The following TBC1D32 variants were observed in gnomAD, a reference collection of about 807,000 sequenced individuals.
The protein encoded by TBC1D32 is protein broad-minded.
A neutral mutation model predicts 170.3 loss-of-function variants in TBC1D32; 151 were observed. That is an observed-to-expected ratio of 0.89 (90% CI 0.78 to 1.01). The LOEUF (loss-of-function observed/expected upper bound fraction) is 1.01. Ranked by LOEUF, TBC1D32 falls within the 50% of genes least tolerant of loss-of-function variation. TBC1D32 has a pLI of 0.00. For synonymous variants in TBC1D32, 498 were observed against 488.0 expected, an observed-to-expected ratio of 1.02 and a Z score of -0.27; for missense variants, 1,464 against 1,457.1, an observed-to-expected ratio of 1.00 and a Z score of -0.08.
intron 17 of TBC1D32, among the ~76,000 whole-genome samples, chr6:121,246,056 C>T (rs969948739): frequency 6.6e-5 from 10 of 152,156 alleles, no homozygotes; most frequent in African/African-American, 2.4e-4. Flanking sequence ...GGTGCATACC[C>T]AGGGGTGCCT....
intron 17 of TBC1D32, among the ~76,000 whole-genome samples, chr6:121,252,868 T>C (rs949151992): frequency 2.0e-5 from 3 of 152,084 alleles, no homozygotes; most frequent in Non-Finnish European, 4.4e-5. Context: ...GAAAGGACAT[T>C]ATTTAATAAA....
chr6:121,225,821 G>T (rs1247617441), intron 20 of TBC1D32, among the ~76,000 whole-genome samples: 2 of 152,018 alleles, frequency 1.3e-5, no homozygotes, highest in Non-Finnish European at 2.9e-5. Flanking sequence ...AAATTGTGAT[G>T]TATTATGCAT....
At chr6:121,334,659 C>CT, upstream of TBC1D32, 1 of 577,644 alleles carries the variant, frequency 1.7e-6, no homozygotes, top group Non-Finnish European at 3.1e-6. Context: ...CTCTGGTACT[C>CT]TTAGTTGCTA....
At chr6:121,298,332 G>A (rs540029010) in intron 10 of TBC1D32, among the ~76,000 whole-genome samples, 21 of 151,948 alleles carry the variant, frequency 1.4e-4, no homozygotes, top group African/African-American at 5.1e-4. Flanking sequence ...AAAAGTCAAG[G>A]TATAGTTAAC....
intron 22 of TBC1D32, among the ~76,000 whole-genome samples, chr6:121,189,092 T>C (rs1789586328): frequency 6.6e-6 from 1 of 152,206 alleles, no homozygotes; most frequent in Non-Finnish European, 1.5e-5. Flanking sequence ...GGTAAATAAG[T>C]TATTTTGTTT....
At chr6:121,131,034 T>A (rs558632500) in intron 25 of TBC1D32, among the ~76,000 whole-genome samples, 1 of 152,202 alleles carries the variant, frequency 6.6e-6, no homozygotes, top group Non-Finnish European at 1.5e-5. Context: ...CAATACCTTT[T>A]AAATTACGGT....
chr6:121,174,951 G>A (rs1410028608), intron 22 of TBC1D32, among the ~76,000 whole-genome samples: 1 of 150,644 alleles, frequency 6.6e-6, no homozygotes, highest in African/African-American at 2.4e-5. Flanking sequence ...AGAATCACCT[G>A]AGCCCAGGGG....
At chr6:121,255,307 A>G in intron 17 of TBC1D32, 21 bp downstream of exon 17, 1 of 1,418,782 alleles carries the variant, frequency 7.0e-7, no homozygotes, top group Non-Finnish European at 9.7e-7. Flanking sequence ...TAAATGCATG[A>G]CTTTCATCAA....
At chr6:121,147,299 T>G (rs892339804) in intron 24 of TBC1D32, among the ~76,000 whole-genome samples, 25 of 152,218 alleles carry the variant, frequency 1.6e-4, no homozygotes, top group African/African-American at 6.0e-4. Context: ...TGTGTGTTTT[T>G]GATAGAATGA....
At chr6:121,289,802 TA>T (rs150299480) in intron 12 of TBC1D32, among the ~76,000 whole-genome samples, 100,111 of 151,630 alleles carry the variant, frequency 0.66, 38,041 homozygotes, top group Non-Finnish European at 0.85. Flanking sequence ...AAAACAGAGA[TA>T]TAGACCAATG....
intron 26 of TBC1D32, among the ~76,000 whole-genome samples, chr6:121,119,574 T>A (rs185002546): frequency 6.8e-4 from 103 of 152,168 alleles, no homozygotes; most frequent in Non-Finnish European, 1.2e-3. Context: ...AAAGGGCCAT[T>A]TAATTTATCA....
At chr6:121,291,124 A>C (rs933515318) in intron 12 of TBC1D32, among the ~76,000 whole-genome samples, 1 of 152,018 alleles carries the variant, frequency 6.6e-6, no homozygotes, top group African/African-American at 2.4e-5. Context: ...CGTTGTGCAC[A>C]TGTACCCTAA....
At chr6:121,215,144 TCA>T in intron 21 of TBC1D32, among the ~76,000 whole-genome samples, 1 of 152,304 alleles carries the variant, frequency 6.6e-6, no homozygotes. Flanking sequence ...TTTATGGGCT[TCA>T]GAGGGAACAA....
At chr6:121,232,870 C>T (rs1278741848) in intron 20 of TBC1D32, among the ~76,000 whole-genome samples, 2 of 152,040 alleles carry the variant, frequency 1.3e-5, no homozygotes, top group East Asian at 1.9e-4. Context: ...TATAAACTTT[C>T]CTCTTAGCCC....
chr6:121,197,664 T>C, intron 22 of TBC1D32, among the ~76,000 whole-genome samples: 1 of 152,224 alleles, frequency 6.6e-6, no homozygotes, highest in East Asian at 1.9e-4. Context: ...GAAGGATAGC[T>C]GTATTATGTT....
intron 20 of TBC1D32, among the ~76,000 whole-genome samples, chr6:121,229,665 T>A (rs1795496716): frequency 6.6e-6 from 1 of 152,140 alleles, no homozygotes; most frequent in Admixed American, 6.6e-5. Context: ...CTGCAAATGA[T>A]GACGTTCTAC....
intron 1 of TBC1D32, among the ~76,000 whole-genome samples, chr6:121,332,540 A>G (rs1811351325): frequency 1.3e-5 from 2 of 152,200 alleles, no homozygotes; most frequent in African/African-American, 4.8e-5. Flanking sequence ...TTGAAAATCT[A>G]GATGAAATGG....
chr6:121,147,902 T>G (rs1783676999), intron 24 of TBC1D32, among the ~76,000 whole-genome samples: 1 of 147,550 alleles, frequency 6.8e-6, no homozygotes, highest in African/African-American at 2.4e-5. Context: ...TCATATTATT[T>G]TTGTAACTTG....
intron 19 of TBC1D32, among the ~76,000 whole-genome samples, chr6:121,240,092 C>T (rs1235016699): frequency 6.6e-6 from 1 of 152,114 alleles, no homozygotes; most frequent in Non-Finnish European, 1.5e-5. Flanking sequence ...CAGGACAATA[C>T]ATGTGAAGTT....
Sources: gnomAD v4.1 joint callset for allele counts (sites outside exome capture counted in the v4.1 genomes callset) on GRCh38, gnomAD v4.1.1 for gene constraint, MANE v1.5 for transcripts, NCBI Gene and HGNC (gene_info 2026-07-23, HGNC 2026-07-21) for gene names.